Variants in ATP4A observed in about 807,000 individuals in gnomAD.
ATP4A encodes ATPase H+/K+ transporting subunit alpha, also known as potassium-transporting ATPase alpha chain 1.
Under a neutral mutation model 112.1 loss-of-function variants are expected in ATP4A, and 73 were observed. The ratio of observed to expected loss-of-function variants is 0.65; its 90% CI spans 0.54 to 0.79. ATP4A has a LOEUF of 0.79. ATP4A is among the 30% of genes least tolerant of loss of function. The probability of loss-of-function intolerance (pLI) is 0.00; values close to 1 mark genes in which losing one functional copy is unlikely to be tolerated. For missense variants in ATP4A, 1,081 were observed against 1,425.9 expected (o/e 0.76, Z 3.90); for synonymous variants, 588 against 588.9 (o/e 1.00, Z 0.02).
At position 35,558,161 on chromosome 19, in the gene ATP4A, A is replaced by G; in HGVS notation, c.1500+201T>C. The G allele has an allele frequency of 2.8e-6, 2 of 706,156 alleles. No individual in the cohort carries two copies. The highest frequency in any genetic ancestry group is 4.5e-6 in the Non-Finnish European group (2 of 440,306). The allele number at this position is 706,156 out of a possible 1,614,324, so 43.7% of individuals were successfully genotyped here. Reference sequence around the variant, plus strand: ...CCCCATGGACAGTCCCGCCGAGGAGAAGCTGTGGGCGGGGCTGGGTGGTGG... The same window carrying G: ...CCCCATGGACAGTCCCGCCGAGGAGGAGCTGTGGGCGGGGCTGGGTGGTGG... On this transcript the variant is annotated intron_variant, in intron 10 of 21. Transcript: ENST00000262623. The surrounding 1 kb of genome is among the most constrained non-coding windows in gnomAD (Gnocchi z 5.1).
chr19:35,561,960 A>T (rs533030731), intron 4 of ATP4A, among the ~76,000 whole-genome samples: 17 of 144,154 alleles, frequency 1.2e-4, no homozygotes, highest in Non-Finnish European at 2.4e-4. Flanking sequence ...GGTTCAAATG[A>T]TTCTCCTGCC....
chr19:35,554,262 CTG>C (rs1270417613), intron 16 of ATP4A, among the ~76,000 whole-genome samples: 1 of 152,050 alleles, frequency 6.6e-6, no homozygotes, highest in Non-Finnish European at 1.5e-5. Context: ...CGACCACAGG[CTG>C]TGGGACCTGT....
At position 35,558,386 on chromosome 19, in the gene ATP4A, G is replaced by C. The variant is rs776501241; in HGVS notation, c.1476C>G (p.Pro492=). 2 of 1,611,840 alleles carry C rather than the reference G, an allele frequency of 1.2e-6. No individual in the cohort carries two copies. The highest frequency in any genetic ancestry group is 2.2e-5 in the South Asian group (2 of 90,554). The stretch of plus-strand genomic sequence containing the variant: ...CCTGGAACTTGTTGGTGGAGTTGAA[G>C]GGTATCTCGCAGACTTTTGGGAAGC... ...RDRFPKVCEI[P]FNSTNKFQLS... The change falls in exon 10 of 22, where the codon CCC becomes CCG. Residue 492 remains proline, a synonymous_variant. Coordinates refer to ENST00000262623, the MANE Select transcript of ATP4A (RefSeq NM_000704.3). The surrounding 1 kb of genome is among the most constrained non-coding windows in gnomAD (Gnocchi z 5.1).
rs776236704 is a variant in ATP4A, at chr19:35,563,539, C to T, written c.13-12G>A. The T allele has an allele frequency of 3.2e-5, 52 of 1,613,872 alleles. No individual in the cohort carries two copies. The highest frequency in any genetic ancestry group is 4.2e-5 in the Non-Finnish European group (49 of 1,179,952). The stretch of plus-strand genomic sequence containing the variant: ...AGCTCATAGTTCTCCTGGGAATGGA[C>T]AGGATGGAGGGAGGGAGAACTCAGA... On this transcript the variant is annotated splice_polypyrimidine_tract_variant and intron_variant, in intron 1 of 21. Transcript: ENST00000262623.
intron 18 of ATP4A, among the ~76,000 whole-genome samples, chr19:35,552,201 C>CA (rs1441321099): frequency 1.3e-5 from 2 of 152,198 alleles, no homozygotes; most frequent in Non-Finnish European, 2.9e-5. Context: ...CATGTGCCAC[C>CA]ATGCCTGGCA....
rs1177181044 is a variant in ATP4A, at chr19:35,551,154, C to T, written c.2886-43G>A. The T allele has an allele frequency of 5.8e-6, 9 of 1,551,436 alleles. No homozygotes were observed. Among genetic ancestry groups the T allele is most frequent in the South Asian group, 2.4e-5 (2 of 85,086 alleles). On this transcript the variant is annotated intron_variant, in intron 19 of 21. Transcript: ENST00000262623. This position sits in a 1 kb window ranked among gnomAD's most constrained non-coding sequence, Gnocchi z 5.2. Reference sequence around the variant, plus strand: ...GGGACAGGCCATTAGGAATTGGGGACGTGATGGAAATCAGGATACTGTGGG... The same window carrying T: ...GGGACAGGCCATTAGGAATTGGGGATGTGATGGAAATCAGGATACTGTGGG...
Position 35,551,925 on chromosome 19 carries a change from C to T in ATP4A, c.2752-345G>A, listed in dbSNP as rs1373916501. Among the ~76,000 whole-genome samples, 2 of 152,146 alleles carry T rather than the reference C, an allele frequency of 1.3e-5. No individual in the cohort carries two copies. The highest frequency in any genetic ancestry group is 2.9e-5 in the Non-Finnish European group (2 of 68,006). ...ATCCTCAGATGGGATTTGCAAAGTC[C>T]AGTGACTCCAGGGGCCAGGCAGATG... On this transcript the variant is annotated intron_variant, in intron 18 of 21. Coordinates refer to ENST00000262623, the MANE Select transcript of ATP4A (RefSeq NM_000704.3). The surrounding 1 kb of genome is among the most constrained non-coding windows in gnomAD (Gnocchi z 5.2).
intron 4 of ATP4A, 133 bp from the exon 5 acceptor site, chr19:35,561,065 G>A (rs112774123): frequency 5.7e-6 from 4 of 702,054 alleles, no homozygotes; most frequent in South Asian, 1.7e-5. Flanking sequence ...GAAGCTCCAT[G>A]CACCATTCCC....
rs2071602783 is a variant in ATP4A at position 35,551,638 on chromosome 19, C to A, written c.2752-58G>T. The A allele has an allele frequency of 6.4e-7, 1 of 1,573,206 alleles. No homozygotes were observed. Among genetic ancestry groups the A allele is most frequent in the Non-Finnish European group, 8.6e-7 (1 of 1,159,244 alleles). ...GTCCAGCCTGAGTCCCGGCGGAGAG[C>A]CTCTGCAGCCCACCGGGCATAGGGT... On this transcript the variant is annotated intron_variant, in intron 18 of 21. Transcript: ENST00000262623. The surrounding 1 kb of genome is among the most constrained non-coding windows in gnomAD (Gnocchi z 5.2).
chr19:35,551,247 G>T lies in ATP4A; in HGVS notation c.2886-136C>A. On this transcript the variant is annotated intron_variant, in intron 19 of 21. Coordinates refer to ENST00000262623, the MANE Select transcript of ATP4A (RefSeq NM_000704.3). This position sits in a 1 kb window ranked among gnomAD's most constrained non-coding sequence, Gnocchi z 5.2. Reference sequence around the variant, plus strand: ...CACACTGAACACTGGAGTGGCCCGGGCCTCTCAGCACCACCCCTTTAGTGA... The same window carrying T: ...CACACTGAACACTGGAGTGGCCCGGTCCTCTCAGCACCACCCCTTTAGTGA... The T allele has an allele frequency of 8.5e-7, 1 of 1,182,600 alleles. No homozygotes were observed. The highest frequency in any genetic ancestry group is 1.2e-6 in the Non-Finnish European group (1 of 830,988). The allele number at this position is 1,182,600 out of a possible 1,614,324, so 73.3% of individuals were successfully genotyped here. A position where few individuals can be genotyped will look rare whatever the true frequency, so the allele number is the denominator to read the frequency against.
rs909556194 is a variant in ATP4A at position 35,563,554 on chromosome 19, G to A, written c.13-27C>T. 5.6e-6 allele frequency: 9 copies of A among 1,613,830 alleles called. No individual in the cohort carries two copies. In the Admixed American group the frequency reaches 8.3e-5, roughly 15 times the overall value. On this transcript the variant is annotated intron_variant, in intron 1 of 21. Coordinates refer to ENST00000262623, the MANE Select transcript of ATP4A (RefSeq NM_000704.3). ...TGGGAATGGACAGGATGGAGGGAGG[G>A]AGAACTCAGATTCCACTGCAACCCC... is the stretch of plus-strand genomic sequence containing the variant.
chr19:35,558,839 C>T lies in ATP4A; in HGVS notation c.1256-153G>A, dbSNP rs898621325. Among the ~76,000 whole-genome samples the T allele has an allele frequency of 3.3e-5, 5 of 152,162 alleles. No individual in the cohort carries two copies. The highest frequency in any genetic ancestry group is 5.9e-5 in the Non-Finnish European group (4 of 68,014). ...CCTGAGGGACCCAGCCCCCGGATGA[C>T]CCTTCCCTCTAGACCCGGTAGCGAG... On this transcript the variant is annotated intron_variant, in intron 8 of 21. Transcript: ENST00000262623. The surrounding 1 kb of genome is among the most constrained non-coding windows in gnomAD (Gnocchi z 5.1).
chr19:35,555,583 G>T lies in ATP4A; in HGVS notation c.2014C>A (p.Arg672Ser), dbSNP rs561359329. Residue 672 changes from arginine (R) to serine (S), a missense_variant, in exon 14 of 22, where the codon CGT (arginine) becomes AGT (serine). Physicochemically the swap from Arg to Ser is moderately radical, Grantham distance 110. Coordinates refer to ENST00000262623, the MANE Select transcript of ATP4A (RefSeq NM_000704.3). This position sits in a 1 kb window ranked among gnomAD's most constrained non-coding sequence, Gnocchi z 6.6. ...TGCATGCCATTGATCACACAGGCAC[G>T]GGCATCCCTGGGGAGGAGATGGGAG... is the stretch of plus-strand genomic sequence containing the variant. ...PVDQVNRKDA[R>S]ACVINGMQLK... 5 of 1,579,304 alleles carry T rather than the reference G, an allele frequency of 3.2e-6. No individual in the cohort carries two copies. The Admixed American group carries it at 5.1e-5, about 16-fold the overall frequency.
In ATP4A at chr19:35,560,962, A is replaced by G; in HGVS notation, c.421-30T>C. ...GGACAGGGAAGGGGTGGGGTTATTC[A>G]GAGGGGCCGGAAGCTGCCTGCCTGA... On this transcript the variant is annotated intron_variant, in intron 4 of 21. Coordinates refer to ENST00000262623, the MANE Select transcript of ATP4A (RefSeq NM_000704.3). The surrounding 1 kb of genome is among the most constrained non-coding windows in gnomAD (Gnocchi z 5.1). 1 of 1,601,746 alleles carries G rather than the reference A, an allele frequency of 6.2e-7. No homozygotes were observed. Among genetic ancestry groups the G allele is most frequent in the Non-Finnish European group, 8.6e-7 (1 of 1,169,164 alleles).
In ATP4A at chr19:35,560,630, C is replaced by A. The variant is rs202118088; in HGVS notation, c.535-15G>T. On this transcript the variant is annotated splice_polypyrimidine_tract_variant and intron_variant, in intron 5 of 21. Coordinates refer to ENST00000262623, the MANE Select transcript of ATP4A (RefSeq NM_000704.3). The surrounding 1 kb of genome is among the most constrained non-coding windows in gnomAD (Gnocchi z 5.1). ...ACAGTGGCTTGCTGCGGGGCAGGGG[C>A]ACCAAAGTTGAGGTGGACGGGGGTG... 533 of 1,461,254 alleles carry A rather than the reference C, an allele frequency of 3.6e-4. No individual in the cohort carries two copies. The highest frequency in any genetic ancestry group is 4.7e-4 in the Non-Finnish European group (496 of 1,063,854). The allele number at this position is 1,461,254 out of a possible 1,614,324, so 90.5% of individuals were successfully genotyped here. A position where few individuals can be genotyped will look rare whatever the true frequency, so the allele number is the denominator to read the frequency against.
Position 35,559,670 on chromosome 19 carries a change from T to C in ATP4A, c.1056+135A>G. On this transcript the variant is annotated intron_variant, in intron 7 of 21. Coordinates refer to ENST00000262623, the MANE Select transcript of ATP4A (RefSeq NM_000704.3). This position sits in a 1 kb window ranked among gnomAD's most constrained non-coding sequence, Gnocchi z 4.1. ...AAGGACTTGCTGAATGAGTGGATGA[T>C]GGGAAGGCAGGAGAATGGATGGGAG... 1 of 1,375,452 alleles carries C rather than the reference T, an allele frequency of 7.3e-7. No homozygotes were observed. The highest frequency in any genetic ancestry group is 2.5e-5 in the Admixed American group (1 of 40,180). The allele number at this position is 1,375,452 out of a possible 1,614,324, so 85.2% of individuals were successfully genotyped here.
rs759139986 is a variant in ATP4A, at chr19:35,554,934, G to C, written c.2469C>G (p.Leu823=). Residue 823 remains leucine (L), a synonymous_variant, in exon 16 of 22, where the codon CTC becomes CTG. Coordinates refer to ENST00000262623, the MANE Select transcript of ATP4A (RefSeq NM_000704.3). The stretch of plus-strand genomic sequence containing the variant: ...GCTGTGGACTTACAATGTCAGTGCA[G>C]AGTTCGATGAAGAGGATGGTGATGC... ...LGCITILFIE[L]CTDIFPSVSL... 6.2e-7 allele frequency: 1 copy of C among 1,614,146 alleles called. No homozygotes were observed. The highest frequency in any genetic ancestry group is 8.5e-7 in the Non-Finnish European group (1 of 1,180,006).
At chr19:35,561,200 C>G (rs1008928819) in intron 4 of ATP4A, among the ~76,000 whole-genome samples, 3 of 152,056 alleles carry the variant, frequency 2.0e-5, no homozygotes, top group African/African-American at 4.8e-5. Flanking sequence ...TTCCATGTCC[C>G]CATATCTGTG....
In ATP4A at chr19:35,558,615, C is replaced by A; in HGVS notation, c.1327G>T (p.Ala443Ser). ...CRVLTLCNRA[A>S]FKSGQDAVPV... ...ACTGCATCCTGGCCGGACTTGAAGG[C>A]GGCGCGGTTGCACAGGGTGAGCACC... Residue 443 changes from alanine (A) to serine (S), a missense_variant, in exon 9 of 22, where the codon GCC becomes TCC. Physicochemically the swap from Ala to Ser is moderately conservative, Grantham distance 99. Around this residue, in one of 3 missense-constraint regions of ATP4A, gnomAD observed 850 missense variants for 1,068.2 expected, o/e 0.80. Transcript: ENST00000262623. This position sits in a 1 kb window ranked among gnomAD's most constrained non-coding sequence, Gnocchi z 5.1. The A allele has an allele frequency of 6.2e-7, 1 of 1,602,518 alleles. No individual in the cohort carries two copies. Among genetic ancestry groups the A allele is most frequent in the Non-Finnish European group, 8.5e-7 (1 of 1,175,944 alleles).
Sources: allele counts gnomAD v4.1 joint callset (sites outside exome capture counted in the v4.1 genomes callset), GRCh38; gene constraint gnomAD v4.1.1; regional missense constraint gnomAD v4.1.1; non-coding constraint Gnocchi (gnomAD v3.1); transcripts MANE v1.5; gene names NCBI Gene and HGNC (gene_info 2026-07-23, HGNC 2026-07-21).